Variants in OPCML observed in about 807,000 individuals in gnomAD.
The protein encoded by OPCML is opioid-binding protein/cell adhesion molecule.
In OPCML, 13 loss-of-function variants were observed where a neutral mutation model predicts 37.8. The observed-to-expected ratio is 0.34, with a 90% CI of 0.22 to 0.55. The LOEUF (loss-of-function observed/expected upper bound fraction) is 0.55, where lower values mean the gene tolerates loss of function less well. OPCML is among the 20% of genes least tolerant of loss of function. The pLI, the probability that OPCML is intolerant of heterozygous loss-of-function variation, is 0.91. For synonymous variants in OPCML, 176 were observed against 168.8 expected (o/e 1.04, Z -0.33); for missense variants, 341 against 435.6 (o/e 0.78, Z 1.93).
intron 1 of OPCML, among the ~76,000 whole-genome samples, chr11:132,968,326 G>C (rs1946259769): frequency 6.6e-6 from 1 of 152,146 alleles, no homozygotes; most frequent in Non-Finnish European, 1.5e-5. Flanking sequence ...CTGGAGGCTG[G>C]AAAGTCCAAG....
intron 2 of OPCML, among the ~76,000 whole-genome samples, chr11:132,728,301 C>T (rs1476619079): frequency 3.3e-5 from 5 of 152,114 alleles, no homozygotes; most frequent in Non-Finnish European, 7.4e-5. Context: ...TAAATCATTC[C>T]TTCTCTGTAT....
chr11:133,298,539 A>G (rs1397895275), intron 1 of OPCML: 4 of 152,192 alleles, frequency 2.6e-5, no homozygotes, highest in Non-Finnish European at 2.9e-5. Flanking sequence ...CCATCCCTAC[A>G]ATGGCTCCTC....
At chr11:133,006,206 C>A in intron 1 of OPCML, 7 of 791,144 alleles carry the variant, frequency 8.8e-6, no homozygotes, top group Non-Finnish European at 1.1e-5. Flanking sequence ...TAGGGAGGAG[C>A]CTGGCCCCTC....
chr11:133,066,746 G>C (rs956098859), intron 1 of OPCML: 2 of 152,214 alleles, frequency 1.3e-5, no homozygotes, highest in Admixed American at 1.3e-4. Context: ...ATGTGATCTC[G>C]GCTTACTGTG....
chr11:133,049,232 G>A (rs1358929128), intron 1 of OPCML, among the ~76,000 whole-genome samples: 1 of 152,178 alleles, frequency 6.6e-6, no homozygotes, highest in African/African-American at 2.4e-5. Context: ...CATCAGCAAG[G>A]GAAGCCCACA....
chr11:133,193,133 C>A (rs1248179530), intron 1 of OPCML, among the ~76,000 whole-genome samples: 1 of 152,080 alleles, frequency 6.6e-6, no homozygotes, highest in East Asian at 1.9e-4. Context: ...CCTCAGCATG[C>A]CTCTAAACTG....
At chr11:133,123,614 G>A (rs1008585312) in intron 1 of OPCML, among the ~76,000 whole-genome samples, 4 of 152,044 alleles carry the variant, frequency 2.6e-5, no homozygotes, top group African/African-American at 9.7e-5. Context: ...CGGCATGCTT[G>A]GAGGAGCAAC....
chr11:133,507,784 CA>C (rs1948066734), intron 1 of OPCML, among the ~76,000 whole-genome samples: 1 of 151,846 alleles, frequency 6.6e-6, no homozygotes, highest in Non-Finnish European at 1.5e-5. Flanking sequence ...ATATCTACTA[CA>C]AAATTACAAA....
chr11:132,637,127 A>G (rs552672295), intron 3 of OPCML, among the ~76,000 whole-genome samples: 2 of 119,470 alleles, frequency 1.7e-5, no homozygotes, highest in East Asian at 4.5e-4. Flanking sequence ...TTAAACCTAG[A>G]AAAGGAATTA....
Position 132,791,553 on chromosome 11 carries a change from G to A in OPCML, c.147-134234C>T, listed in dbSNP as rs552129737. 2.1e-3 allele frequency among the ~76,000 whole-genome samples: 315 copies of A among 152,274 alleles called. 1 individual carries two copies. Among genetic ancestry groups the A allele is most frequent in the Non-Finnish European group, 3.8e-3 (256 of 68,032 alleles). On this transcript the variant is annotated intron_variant, in intron 2 of 7. Transcript: ENST00000524381. The stretch of plus-strand genomic sequence containing the variant: ...ATAAACAACTGCACACCTTAAGCCA[G>A]TTTCAGCAGCTTATAGAGGCTGACC...
chr11:133,527,447 C>T (rs974237230), intron 1 of OPCML, among the ~76,000 whole-genome samples: 8 of 152,244 alleles, frequency 5.3e-5, no homozygotes, highest in African/African-American at 1.4e-4. Flanking sequence ...TTAATCAGAA[C>T]GTATATAAAG....
chr11:133,168,496 G>T (rs187773134), intron 1 of OPCML, among the ~76,000 whole-genome samples: 1 of 152,130 alleles, frequency 6.6e-6, no homozygotes, highest in African/African-American at 2.4e-5. Flanking sequence ...GACCAAAATT[G>T]GTGTCATGTA....
At chr11:132,645,596 A>G (rs566685950) in intron 3 of OPCML, among the ~76,000 whole-genome samples, 69 of 152,330 alleles carry the variant, frequency 4.5e-4, no homozygotes, top group African/African-American at 1.4e-3. Flanking sequence ...GGAGAGCAAG[A>G]GAGTTACATC....
At chr11:133,154,359 G>A (rs1340111714) in intron 1 of OPCML, among the ~76,000 whole-genome samples, 4 of 152,024 alleles carry the variant, frequency 2.6e-5, no homozygotes, top group African/African-American at 4.8e-5. Flanking sequence ...TTTAATAAAA[G>A]TGCATGTTTT....
intron 4 of OPCML, among the ~76,000 whole-genome samples, chr11:132,452,087 GA>G (rs1188998670): frequency 2.0e-5 from 3 of 152,114 alleles, no homozygotes; most frequent in Non-Finnish European, 4.4e-5. Context: ...AGCTGTAGAA[GA>G]ATGGAAGGAA....
intron 1 of OPCML, among the ~76,000 whole-genome samples, chr11:133,491,236 T>C (rs1047968060): frequency 6.6e-6 from 1 of 152,170 alleles, no homozygotes; most frequent in Non-Finnish European, 1.5e-5. Context: ...AGACACTCCC[T>C]TGCTGGGCTT....
intron 4 of OPCML, among the ~76,000 whole-genome samples, chr11:132,500,048 T>C (rs1458395866): frequency 6.6e-6 from 1 of 152,218 alleles, no homozygotes; most frequent in Non-Finnish European, 1.5e-5. Flanking sequence ...AATCACCTCA[T>C]ACATCAAATC....
intron 2 of OPCML, among the ~76,000 whole-genome samples, chr11:132,899,723 G>A (rs994909922): frequency 6.6e-6 from 1 of 152,140 alleles, no homozygotes; most frequent in Non-Finnish European, 1.5e-5. Context: ...TGGCATGTGA[G>A]TCTAAGTGGA....
chr11:132,827,097 G>A (rs536923563), intron 2 of OPCML, among the ~76,000 whole-genome samples: 1 of 152,218 alleles, frequency 6.6e-6, no homozygotes, highest in South Asian at 2.1e-4. Context: ...CCTTTTTAAA[G>A]GTCTATAAAC....
Sources: gnomAD v4.1 joint callset for allele counts (sites outside exome capture counted in the v4.1 genomes callset) on GRCh38, gnomAD v4.1.1 for gene constraint, MANE v1.5 for transcripts, NCBI Gene and HGNC (gene_info 2026-07-23, HGNC 2026-07-21) for gene names.